FGF13: variants seen among roughly 807,000 people sequenced by gnomAD.
The protein encoded by FGF13 is fibroblast growth factor homologous factor 2.
Under a neutral mutation model 19.5 loss-of-function variants are expected in FGF13, and 2 were observed. The ratio of observed to expected loss-of-function variants is 0.10; its 90% CI spans 0.04 to 0.32. FGF13 has a LOEUF of 0.32. Ranked by LOEUF, FGF13 falls within the 10% of genes least tolerant of loss-of-function variation. The probability of loss-of-function intolerance (pLI) is 1.00; values close to 1 mark genes in which losing one functional copy is unlikely to be tolerated. For synonymous variants in FGF13, 72 were observed against 76.9 expected (o/e 0.94, Z 0.33); for missense variants, 113 against 192.7 (o/e 0.59, Z 2.45).
intron 1 of FGF13, among the ~76,000 whole-genome samples, chrX:139,043,852 G>A (rs1238406434): frequency 3.6e-5 from 4 of 112,163 alleles, no homozygotes; most frequent in Non-Finnish European, 7.5e-5. Context: ...TTGCTAAATG[G>A]TGAAAGCCAG....
intron 1 of FGF13, among the ~76,000 whole-genome samples, chrX:138,865,514 T>G (rs767275739): frequency 1.0e-3 from 104 of 102,495 alleles, no homozygotes; most frequent in African/African-American, 3.5e-3. Flanking sequence ...CTCTCCTCTC[T>G]CTTCCCTGAG....
intron 1 of FGF13, among the ~76,000 whole-genome samples, chrX:139,010,964 C>T (rs1429247748): frequency 2.7e-5 from 3 of 110,856 alleles, no homozygotes; most frequent in East Asian, 2.8e-4. Context: ...ACAAAAGAAA[C>T]GGGAGATATT....
chrX:138,729,977 G>C (rs376805796), intron 1 of FGF13, among the ~76,000 whole-genome samples: 1 of 110,778 alleles, frequency 9.0e-6, no homozygotes, highest in Non-Finnish European at 1.9e-5. Flanking sequence ...AAATAAATAA[G>C]TTTTCAGAAA....
chrX:138,984,842 T>TGTG (rs1569436382), intron 1 of FGF13, among the ~76,000 whole-genome samples: 1 of 27,797 alleles, frequency 3.6e-5, no homozygotes, highest in African/African-American at 8.5e-5. Context: ...GTGTGTGTGT[T>TGTG]TTAATTTTTG....
chrX:139,047,463 T>C (rs1389771962), intron 1 of FGF13, among the ~76,000 whole-genome samples: 1 of 111,312 alleles, frequency 9.0e-6, no homozygotes, highest in Non-Finnish European at 1.9e-5. Context: ...GTTAGTTACA[T>C]ATGTATACAT....
chrX:138,676,763 T>C (rs2089671668), intron 3 of FGF13, among the ~76,000 whole-genome samples: 1 of 112,290 alleles, frequency 8.9e-6, no homozygotes, highest in Non-Finnish European at 1.9e-5. Flanking sequence ...ATGCTGCTGC[T>C]GATCTGACAG....
At chrX:138,709,904 G>A (rs1429343650) in intron 1 of FGF13, among the ~76,000 whole-genome samples, 1 of 111,259 alleles carries the variant, frequency 9.0e-6, no homozygotes, top group African/African-American at 3.3e-5. Context: ...TCCATCCCAG[G>A]GTGTAGCACA....
chrX:138,788,401 C>A (rs996298820), intron 3 of FGF13, among the ~76,000 whole-genome samples: 1 of 112,247 alleles, frequency 8.9e-6, no homozygotes, highest in Non-Finnish European at 1.9e-5. Flanking sequence ...AACTTCTGGA[C>A]CCACTGGGGT....
intron 1 of FGF13, among the ~76,000 whole-genome samples, chrX:139,057,237 A>G (rs1453013787): frequency 1.8e-5 from 2 of 111,359 alleles, no homozygotes; most frequent in Non-Finnish European, 1.9e-5. Context: ...ATAGGAAATG[A>G]CTTAAGATTA....
chrX:138,623,348 A>AT lies in FGF13; in HGVS notation c.*9501dup, dbSNP rs1026383381. On this transcript the variant is annotated 3_prime_UTR_variant, in exon 5 of 5. Coordinates refer to ENST00000315930, the MANE Select transcript of FGF13 (RefSeq NM_004114.5). The stretch of plus-strand genomic sequence containing the variant: ...AGTTTGGAAGTGCTCCTTCCTCTTC[A>AT]TTTTTTTGGAAGATTTTGAGAAGGA... 1.8e-5 allele frequency: 2 copies of AT among 111,205 alleles called. No homozygotes were observed. The highest frequency in any genetic ancestry group is 2.8e-4 in the East Asian group (1 of 3,528). 9.2% of individuals were successfully genotyped at this position (111,205 alleles called of 1,213,427 possible). A position where few individuals can be genotyped will look rare whatever the true frequency, so the allele number is the denominator to read the frequency against.
chrX:139,091,852 A>G (rs2083441790), intron 1 of FGF13, among the ~76,000 whole-genome samples: 1 of 110,704 alleles, frequency 9.0e-6, no homozygotes, highest in Non-Finnish European at 1.9e-5. Flanking sequence ...TAGGCTGCTC[A>G]GTTTATTGGA....
intron 1 of FGF13, among the ~76,000 whole-genome samples, chrX:138,996,744 G>A (rs1442679016): frequency 1.8e-5 from 2 of 112,096 alleles, no homozygotes; most frequent in African/African-American, 3.2e-5. Context: ...GGGCCGCTGT[G>A]GGCGCAGCTT....
At chrX:138,787,460 C>A (rs2090702645) in intron 3 of FGF13, among the ~76,000 whole-genome samples, 1 of 112,406 alleles carries the variant, frequency 8.9e-6, no homozygotes, top group South Asian at 3.7e-4. Flanking sequence ...TAGTCTTCTG[C>A]ATTGCAAAGA....
At chrX:138,877,199 A>T (rs1160108614) in intron 1 of FGF13, among the ~76,000 whole-genome samples, 2 of 109,631 alleles carry the variant, frequency 1.8e-5, no homozygotes, top group African/African-American at 6.6e-5. Context: ...TACCTATGTA[A>T]CAAACTGCAC....
chrX:139,072,276 TACACACACACACACAC>T (rs761988012), intron 1 of FGF13, among the ~76,000 whole-genome samples: 2 of 99,076 alleles, frequency 2.0e-5, no homozygotes, highest in Non-Finnish European at 4.1e-5. Flanking sequence ...TCTCTCTCTC[TACACACACACACACAC>T]ACACACACAC....
intron 1 of FGF13, among the ~76,000 whole-genome samples, chrX:138,869,610 C>T (rs1010965105): frequency 2.7e-5 from 3 of 112,273 alleles, no homozygotes; most frequent in East Asian, 2.8e-4. Context: ...CAAGCTCAAA[C>T]GGTCAACACC....
intron 1 of FGF13, among the ~76,000 whole-genome samples, chrX:139,198,434 C>T (rs1439576788): frequency 9.0e-6 from 1 of 111,479 alleles, no homozygotes; most frequent in East Asian, 2.8e-4. Context: ...TCTGGACAGC[C>T]CTACTGTACT....
At chrX:138,958,910 C>A (rs1403063296) in intron 1 of FGF13, among the ~76,000 whole-genome samples, 1 of 111,565 alleles carries the variant, frequency 9.0e-6, no homozygotes, top group African/African-American at 3.3e-5. Context: ...ATTCTTCTCT[C>A]TTTTCCTCTT....
intron 1 of FGF13, among the ~76,000 whole-genome samples, chrX:139,138,722 C>G (rs1042640374): frequency 9.0e-6 from 1 of 111,209 alleles, no homozygotes; most frequent in East Asian, 2.9e-4. Flanking sequence ...GGAAGGATTT[C>G]CAGTTTACAA....
Sources: gnomAD v4.1 joint callset for allele counts (sites outside exome capture counted in the v4.1 genomes callset) on GRCh38, gnomAD v4.1.1 for gene constraint, MANE v1.5 for transcripts, NCBI Gene and HGNC (gene_info 2026-07-23, HGNC 2026-07-21) for gene names.